SLC25A36: variants seen among roughly 807,000 people sequenced by gnomAD.
SLC25A36 encodes epididymis secretory sperm binding protein.
A neutral mutation model predicts 35.3 loss-of-function variants in SLC25A36; 24 were observed. That is an observed-to-expected ratio of 0.68 (90% CI 0.49 to 0.96). The LOEUF (loss-of-function observed/expected upper bound fraction) is 0.96. Among genes scored for constraint, SLC25A36 ranks in the 40% least tolerant of loss-of-function variants. The probability of loss-of-function intolerance (pLI) is 0.00; values close to 1 mark genes in which losing one functional copy is unlikely to be tolerated. For synonymous variants in SLC25A36, 141 were observed against 132.2 expected, an observed-to-expected ratio of 1.07 and a Z score of -0.46; for missense variants, 294 against 381.1, an observed-to-expected ratio of 0.77 and a Z score of 1.90.
chr3:140,950,830 G>C (rs1262067045), intron 1 of SLC25A36, among the ~76,000 whole-genome samples: 1 of 151,990 alleles, frequency 6.6e-6, no homozygotes, highest in Non-Finnish European at 1.5e-5. Context: ...GAAATGTTGA[G>C]TTTGTATTCT....
intron 1 of SLC25A36, among the ~76,000 whole-genome samples, chr3:140,951,486 T>C (rs1030624761): frequency 2.6e-5 from 4 of 151,800 alleles, no homozygotes; most frequent in African/African-American, 9.7e-5. Flanking sequence ...GATTTACTTA[T>C]TTATTTATTT....
intron 6 of SLC25A36, among the ~76,000 whole-genome samples, chr3:140,975,304 TGCTGGGTTCCCCAG>T (rs1386520662): frequency 6.6e-6 from 1 of 151,664 alleles, no homozygotes; most frequent in Non-Finnish European, 1.5e-5. Flanking sequence ...GACATAGTCT[TGCTGGGTTCCCCAG>T]GCTGGTCTCA....
rs567803599 is a variant in SLC25A36 at position 140,948,218 on chromosome 3, G to A, written c.41+6123G>A. ...GATCCACCCACCTTGGCCTCCCAAA[G>A]TGCTGGAATTACAGGCCTGAGCTAC... On this transcript the variant is annotated intron_variant, in intron 1 of 6. Transcript: ENST00000324194. Among the ~76,000 whole-genome samples, 28 of 152,330 alleles carry A rather than the reference G, an allele frequency of 1.8e-4. No homozygotes were observed. The East Asian group carries it at 5.2e-3, about 28-fold the overall frequency.
chr3:140,944,312 C>T (rs1338954668), intron 1 of SLC25A36, among the ~76,000 whole-genome samples: 1 of 152,126 alleles, frequency 6.6e-6, no homozygotes, highest in African/African-American at 2.4e-5. Context: ...TGTTAAACAC[C>T]AGCACTGGAC....
intron 4 of SLC25A36, chr3:140,966,729 A>G: frequency 2.8e-6 from 1 of 353,950 alleles, no homozygotes; most frequent in Non-Finnish European, 5.6e-6. Context: ...ACTGCTGCAG[A>G]TGGCAGGATT....
At position 140,961,780 on chromosome 3, in the gene SLC25A36, C is replaced by T. The variant is rs372030758; in HGVS notation, c.285-1347C>T. Among the ~76,000 whole-genome samples the T allele has an allele frequency of 2.9e-4, 39 of 136,782 alleles. 1 individual carries two copies. The highest frequency in any genetic ancestry group is 8.7e-4 in the African/African-American group (32 of 36,780). 89.7% of individuals were successfully genotyped at this position (136,782 alleles called of 152,430 possible). On this transcript the variant is annotated intron_variant, in intron 3 of 6. Transcript: ENST00000324194. Reference sequence around the variant, plus strand: ...CTGAGGCAGGAGAATGGCGTGAACCCGGGAGGCGGAGCTTGCAGTGAGCCA... The same window carrying T: ...CTGAGGCAGGAGAATGGCGTGAACCTGGGAGGCGGAGCTTGCAGTGAGCCA...
chr3:140,942,687 C>T (rs1213403629), intron 1 of SLC25A36: 1 of 152,228 alleles, frequency 6.6e-6, no homozygotes, highest in Non-Finnish European at 1.5e-5. Flanking sequence ...TCACGCCCCA[C>T]CTCGGACCTC....
In SLC25A36 at chr3:140,976,499, A is replaced by G. The variant is rs1576490936; in HGVS notation, c.*46A>G. ...TGCAAAAAAAGAAGACCAAAAGATT[A>G]CAGTGGACCATGGGATACAGAAGCC... On this transcript the variant is annotated 3_prime_UTR_variant, in exon 7 of 7. Coordinates refer to ENST00000324194, the MANE Select transcript of SLC25A36 (RefSeq NM_001104647.3). The G allele has an allele frequency of 1.3e-6, 2 of 1,510,944 alleles. No individual in the cohort carries two copies. The highest frequency in any genetic ancestry group is 1.8e-6 in the Non-Finnish European group (2 of 1,119,902). The allele number at this position is 1,510,944 out of a possible 1,614,324, so 93.6% of individuals were successfully genotyped here.
chr3:140,971,306 A>G (rs1002235011), intron 5 of SLC25A36, among the ~76,000 whole-genome samples: 3 of 152,150 alleles, frequency 2.0e-5, no homozygotes, highest in Admixed American at 2.0e-4. Flanking sequence ...CTTTCCTTAC[A>G]TGGGTACTTA....
At chr3:140,960,832 G>T (rs1397363524) in intron 3 of SLC25A36, among the ~76,000 whole-genome samples, 1 of 152,114 alleles carries the variant, frequency 6.6e-6, no homozygotes, top group Non-Finnish European at 1.5e-5. Context: ...ATAACTAAAG[G>T]AACAACCAAA....
intron 1 of SLC25A36, among the ~76,000 whole-genome samples, chr3:140,951,449 C>A (rs1287852498): frequency 1.3e-5 from 2 of 152,026 alleles, no homozygotes; most frequent in African/African-American, 2.4e-5. Context: ...GTGCATATAC[C>A]CACTTATGCC....
At chr3:140,965,011 G>A (rs945198033) in intron 4 of SLC25A36, 1 of 151,704 alleles carries the variant, frequency 6.6e-6, no homozygotes. Context: ...TCAAGTTTTG[G>A]TAAACTTACA....
chr3:140,951,961 G>A (rs1934338084), intron 1 of SLC25A36, among the ~76,000 whole-genome samples: 1 of 151,458 alleles, frequency 6.6e-6, no homozygotes, highest in Non-Finnish European at 1.5e-5. Flanking sequence ...GACCTCCCAA[G>A]TAGCTGGGAT....
At chr3:140,976,199 G>C in intron 6 of SLC25A36, 61 bp from the exon 7 acceptor site, 1 of 1,142,184 alleles carries the variant, frequency 8.8e-7, no homozygotes, top group Non-Finnish European at 1.3e-6. Context: ...GATGTGCTCA[G>C]TTATAATTAG....
At chr3:140,957,393 T>C (rs1217940614) in intron 2 of SLC25A36, among the ~76,000 whole-genome samples, 1 of 152,232 alleles carries the variant, frequency 6.6e-6, no homozygotes, top group Non-Finnish European at 1.5e-5. Flanking sequence ...GCCTTTTCTT[T>C]TTTCAAACTT....
chr3:140,948,697 C>T (rs1306108746), intron 1 of SLC25A36, among the ~76,000 whole-genome samples: 1 of 152,138 alleles, frequency 6.6e-6, no homozygotes, highest in Non-Finnish European at 1.5e-5. Flanking sequence ...GTTACCTTGC[C>T]TGTTAAAAAC....
Position 140,976,636 on chromosome 3 carries a change from G to GAA in SLC25A36, c.*196_*197dup, listed in dbSNP as rs63101963. 0.11 allele frequency: 28,296 copies of GAA among 261,528 alleles called. 5 individuals are homozygous for GAA. The highest frequency in any genetic ancestry group is 0.17 in the Middle Eastern group (144 of 842). The allele number at this position is 261,528 out of a possible 1,614,324, so 16.2% of individuals were successfully genotyped here. ...ACATTACTTGGCCTTTCGGTAATGTGAAAAAAAAAAAAAACCTCAGAGCCT... is the reference window on the plus strand; with the variant it reads ...ACATTACTTGGCCTTTCGGTAATGTGAAAAAAAAAAAAAAAACCTCAGAGCCT... On this transcript the variant is annotated 3_prime_UTR_variant, in exon 7 of 7. Transcript: ENST00000324194.
At position 140,942,029 on chromosome 3, in the gene SLC25A36, C is replaced by T; in HGVS notation, c.-26C>T. On this transcript the variant is annotated 5_prime_UTR_variant, in exon 1 of 7. Transcript: ENST00000324194. ...CGGCCAGATCCGCGTCCCGCCTCAG[C>T]GGCCGGAGGACATGCGGGAGAGAGA... is the stretch of plus-strand genomic sequence containing the variant. 2 of 1,398,254 alleles carry T rather than the reference C, an allele frequency of 1.4e-6. No homozygotes were observed. The allele number at this position is 1,398,254 out of a possible 1,614,324, so 86.6% of individuals were successfully genotyped here.
chr3:140,980,962 C>G lies in SLC25A36; in HGVS notation c.*4509C>G, dbSNP rs1433548108. ...GTGATTTCTTAATAGCCTATAGATC[C>G]AATAAATACAGAGGAATATTAGTTA... is the stretch of plus-strand genomic sequence containing the variant. On this transcript the variant is annotated 3_prime_UTR_variant, in exon 7 of 7. Transcript: ENST00000324194. 6.6e-6 allele frequency among the ~76,000 whole-genome samples: 1 copy of G among 152,080 alleles called. No individual in the cohort carries two copies. The highest frequency in any genetic ancestry group is 1.9e-4 in the East Asian group (1 of 5,186).
Sources: allele counts gnomAD v4.1 joint callset (sites outside exome capture counted in the v4.1 genomes callset), GRCh38; gene constraint gnomAD v4.1.1; transcripts MANE v1.5; gene names NCBI Gene and HGNC (gene_info 2026-07-23, HGNC 2026-07-21).